The following RGS7BP variants were observed in gnomAD, a reference collection of about 807,000 sequenced individuals.
RGS7BP encodes regulator of G protein signaling 7 binding protein.
Under a neutral mutation model 31.3 loss-of-function variants are expected in RGS7BP, and 9 were observed. The observed-to-expected ratio is 0.29, with a 90% CI of 0.17 to 0.50. RGS7BP has a LOEUF of 0.50. Ranked by LOEUF, RGS7BP falls within the 20% of genes least tolerant of loss-of-function variation. The pLI, the probability that RGS7BP is intolerant of heterozygous loss-of-function variation, is 0.98. For synonymous variants in RGS7BP, 115 were observed against 120.1 expected (o/e 0.96, Z 0.28); for missense variants, 274 against 322.0 (o/e 0.85, Z 1.14).
At chr5:64,573,219 T>C (rs1029081788) in intron 2 of RGS7BP, among the ~76,000 whole-genome samples, 8 of 151,986 alleles carry the variant, frequency 5.3e-5, no homozygotes, top group Admixed American at 5.2e-4. Context: ...AGTCTATCAT[T>C]GTTGGACATT....
chr5:64,533,498 C>T (rs967172384), intron 2 of RGS7BP, among the ~76,000 whole-genome samples: 6 of 152,154 alleles, frequency 3.9e-5, no homozygotes, highest in Admixed American at 6.5e-5. Flanking sequence ...GCTCAGGCCA[C>T]GACCCACATC....
chr5:64,518,465 G>C (rs771021643), intron 2 of RGS7BP, among the ~76,000 whole-genome samples: 2 of 152,098 alleles, frequency 1.3e-5, no homozygotes, highest in Non-Finnish European at 2.9e-5. Context: ...ATATTATTAA[G>C]GAATGACATA....
chr5:64,566,270 T>G (rs1371294884), intron 2 of RGS7BP, among the ~76,000 whole-genome samples: 2 of 152,110 alleles, frequency 1.3e-5, no homozygotes, highest in Non-Finnish European at 2.9e-5. Flanking sequence ...CTTGTTTTCT[T>G]AGTTTAAAAT....
chr5:64,514,377 C>T (rs1748917967), intron 2 of RGS7BP, among the ~76,000 whole-genome samples: 1 of 152,116 alleles, frequency 6.6e-6, no homozygotes, highest in African/African-American at 2.4e-5. Flanking sequence ...TTTCCTTGAC[C>T]TATCTGCAGC....
chr5:64,604,892 G>A lies in RGS7BP; in HGVS notation c.683-4269G>A, dbSNP rs1743313859. 1.3e-5 allele frequency among the ~76,000 whole-genome samples: 2 copies of A among 152,120 alleles called. 1 individual carries two copies. Among genetic ancestry groups the A allele is most frequent in the South Asian group, 4.1e-4 (2 of 4,830 alleles). On this transcript the variant is annotated intron_variant, in intron 5 of 5. Coordinates refer to ENST00000334025, the MANE Select transcript of RGS7BP (RefSeq NM_001029875.3). ...CATTCAAGAATTAAATGTTGAGGCT[G>A]GGTATGGTGGCTTATTCCTATAATC...
At chr5:64,542,888 C>T (rs1741560375) in intron 2 of RGS7BP, among the ~76,000 whole-genome samples, 1 of 152,132 alleles carries the variant, frequency 6.6e-6, no homozygotes, top group South Asian at 2.1e-4. Context: ...TCCTTTTGGC[C>T]CCATACGACT....
intron 2 of RGS7BP, among the ~76,000 whole-genome samples, chr5:64,545,436 T>C (rs975955412): frequency 1.3e-5 from 2 of 151,806 alleles, no homozygotes; most frequent in Non-Finnish European, 2.9e-5. Context: ...AAGAGTCGGC[T>C]TTTATCCTGA....
chr5:64,604,965 T>C (rs1458097230), intron 5 of RGS7BP, among the ~76,000 whole-genome samples: 1 of 152,016 alleles, frequency 6.6e-6, no homozygotes, highest in Non-Finnish European at 1.5e-5. Flanking sequence ...AGGCCAAGAG[T>C]TCGAGTCCAG....
At chr5:64,575,374 C>G (rs1457100888) in intron 2 of RGS7BP, among the ~76,000 whole-genome samples, 2 of 152,124 alleles carry the variant, frequency 1.3e-5, no homozygotes. Context: ...AAAGAGCTGT[C>G]TTACAACTGG....
intron 2 of RGS7BP, among the ~76,000 whole-genome samples, chr5:64,540,999 G>A (rs1369362523): frequency 6.6e-6 from 1 of 152,162 alleles, no homozygotes; most frequent in African/African-American, 2.4e-5. Context: ...GCTTTGGTGG[G>A]TGTGTTGGTC....
At chr5:64,552,614 T>C (rs1741822678) in intron 2 of RGS7BP, among the ~76,000 whole-genome samples, 1 of 152,226 alleles carries the variant, frequency 6.6e-6, no homozygotes, top group Admixed American at 6.5e-5. Context: ...GGAATGAGAA[T>C]TTCCACTCTG....
At chr5:64,558,936 G>A (rs543698902) in intron 2 of RGS7BP, among the ~76,000 whole-genome samples, 2 of 152,314 alleles carry the variant, frequency 1.3e-5, no homozygotes, top group Admixed American at 1.3e-4. Flanking sequence ...GAGAATTCTA[G>A]TCAGACCAGT....
intron 3 of RGS7BP, among the ~76,000 whole-genome samples, chr5:64,586,169 G>C (rs1375894656): frequency 6.6e-6 from 1 of 152,090 alleles, no homozygotes; most frequent in Non-Finnish European, 1.5e-5. Flanking sequence ...CCTGCCAAAG[G>C]GGGTGATGCT....
intron 2 of RGS7BP, among the ~76,000 whole-genome samples, chr5:64,522,635 G>A (rs560164612): frequency 6.6e-6 from 1 of 152,288 alleles, no homozygotes; most frequent in East Asian, 1.9e-4. Context: ...CTTGGCAAAT[G>A]TTCCTTCCAT....
chr5:64,548,256 T>G (rs1195665403), intron 2 of RGS7BP, among the ~76,000 whole-genome samples: 1 of 152,068 alleles, frequency 6.6e-6, no homozygotes, highest in Admixed American at 6.6e-5. Flanking sequence ...TTCACCAAAA[T>G]AAGATAAGTT....
In RGS7BP at chr5:64,610,653, A is replaced by G. The variant is rs1743479738; in HGVS notation, c.*1401A>G. ...TGCACAGGCATTTATATGTATACCAATATTTTTACCTAAAAACTAAATATA... is the reference window on the plus strand; with the variant it reads ...TGCACAGGCATTTATATGTATACCAGTATTTTTACCTAAAAACTAAATATA... On this transcript the variant is annotated 3_prime_UTR_variant, in exon 6 of 6. Coordinates refer to ENST00000334025, the MANE Select transcript of RGS7BP (RefSeq NM_001029875.3). 6.6e-6 allele frequency: 1 copy of G among 151,936 alleles called. No homozygotes were observed. Among genetic ancestry groups the G allele is most frequent in the African/African-American group, 2.4e-5 (1 of 41,396 alleles). 9.4% of individuals were successfully genotyped at this position (151,936 alleles called of 1,614,324 possible).
At chr5:64,520,268 C>A (rs1477798803) in intron 2 of RGS7BP, among the ~76,000 whole-genome samples, 8 of 152,088 alleles carry the variant, frequency 5.3e-5, no homozygotes, top group Admixed American at 5.2e-4. Flanking sequence ...GATTGCTTTC[C>A]TTCTTTTCTA....
chr5:64,509,486 T>C (rs1344708979), intron 2 of RGS7BP, among the ~76,000 whole-genome samples: 1 of 152,214 alleles, frequency 6.6e-6, no homozygotes, highest in Admixed American at 6.5e-5. Flanking sequence ...TTCAGGGTCT[T>C]CTGAAGGTTC....
At chr5:64,541,950 T>TA (rs1741536228) in intron 2 of RGS7BP, among the ~76,000 whole-genome samples, 1 of 95,218 alleles carries the variant, frequency 1.1e-5, no homozygotes. Flanking sequence ...TTTTCTATTC[T>TA]AGTTTTTTTT....
Sources: gnomAD v4.1 joint callset for allele counts (sites outside exome capture counted in the v4.1 genomes callset) on GRCh38, gnomAD v4.1.1 for gene constraint, MANE v1.5 for transcripts, NCBI Gene and HGNC (gene_info 2026-07-23, HGNC 2026-07-21) for gene names.